The following DDX46 variants were observed in gnomAD, a reference collection of about 807,000 sequenced individuals.
DDX46 encodes the protein DEAD-box helicase 46.
DDX46 carries 30 observed loss-of-function variants against 134.9 expected under a neutral mutation model. The observed-to-expected ratio is 0.22, with a 90% CI of 0.17 to 0.30. DDX46 has a LOEUF of 0.30. Ranked by LOEUF, DDX46 falls within the 10% of genes least tolerant of loss-of-function variation. The probability of loss-of-function intolerance (pLI) is 1.00; values close to 1 mark genes in which losing one functional copy is unlikely to be tolerated. For missense variants in DDX46, 622 were observed against 1,248.7 expected (o/e 0.50, Z 7.56); for synonymous variants, 415 against 404.1 (o/e 1.03, Z -0.32).
At chr5:134,776,881 T>A (rs2150137133) in intron 5 of DDX46, among the ~76,000 whole-genome samples, 1 of 135,810 alleles carries the variant, frequency 7.4e-6, no homozygotes, top group East Asian at 2.2e-4. Context: ...GACACTGCAC[T>A]CCAGCCTGGG....
At chr5:134,814,150 T>C (rs887760914) in intron 18 of DDX46, among the ~76,000 whole-genome samples, 3 of 152,290 alleles carry the variant, frequency 2.0e-5, no homozygotes, top group Non-Finnish European at 2.9e-5. Context: ...TTGCTATAAT[T>C]GTCCTATTTT....
chr5:134,814,445 A>G (rs1286170844), intron 18 of DDX46, among the ~76,000 whole-genome samples: 1 of 152,234 alleles, frequency 6.6e-6, no homozygotes. Context: ...ATCAAAAGTA[A>G]GGTTAGCTCT....
chr5:134,763,707 A>G (rs1046899498), intron 1 of DDX46, among the ~76,000 whole-genome samples, 197 bp from the exon 2 acceptor site: 10 of 152,176 alleles, frequency 6.6e-5, no homozygotes, highest in Non-Finnish European at 1.5e-4. Context: ...CTCTCTTTCA[A>G]GACAGATTTT....
At chr5:134,819,112 G>T in intron 21 of DDX46, 108 bp downstream of exon 21, 1 of 1,218,148 alleles carries the variant, frequency 8.2e-7, no homozygotes, top group Non-Finnish European at 1.1e-6. Context: ...CTGAAAGTAA[G>T]AAACACCTCT....
chr5:134,765,772 C>A (rs1753548768), intron 2 of DDX46, among the ~76,000 whole-genome samples: 1 of 152,118 alleles, frequency 6.6e-6, no homozygotes, highest in African/African-American at 2.4e-5. Flanking sequence ...TAACTTTATC[C>A]TTTTCAGACA....
chr5:134,799,523 A>T (rs1485306223), intron 15 of DDX46, among the ~76,000 whole-genome samples: 2 of 151,872 alleles, frequency 1.3e-5, no homozygotes, highest in African/African-American at 4.8e-5. Context: ...GGATCACTTG[A>T]GCTCATGAGT....
At chr5:134,784,191 A>G (rs1329156665) in intron 9 of DDX46, among the ~76,000 whole-genome samples, 175 bp from the exon 10 acceptor site, 1 of 152,188 alleles carries the variant, frequency 6.6e-6, no homozygotes, top group Non-Finnish European at 1.5e-5. Flanking sequence ...TGTTGTAAAG[A>G]TTAGTCCATA....
chr5:134,768,868 G>A (rs1000457745), intron 3 of DDX46, among the ~76,000 whole-genome samples: 1 of 152,080 alleles, frequency 6.6e-6, no homozygotes, highest in African/African-American at 2.4e-5. Context: ...AGACCAGTCT[G>A]ACCAACATGG....
chr5:134,792,176 CA>C (rs1472681106), intron 13 of DDX46, among the ~76,000 whole-genome samples: 9 of 151,586 alleles, frequency 5.9e-5, no homozygotes, highest in African/African-American at 2.4e-5. Flanking sequence ...GACTTAGTCT[CA>C]AAAAATAATA....
Position 134,820,365 on chromosome 5 carries a change from A to G in DDX46, c.2977+1361A>G, listed in dbSNP as rs529733442. On this transcript the variant is annotated intron_variant, in intron 21 of 22. Coordinates refer to ENST00000452510, the MANE Select transcript of DDX46 (RefSeq NM_001300860.2). The stretch of plus-strand genomic sequence containing the variant: ...GTTCTGGCTTCATTTCCTTGACACC[A>G]TAGCATTGTAGTCAGTACAGGGTTT... 3.3e-5 allele frequency among the ~76,000 whole-genome samples: 5 copies of G among 152,284 alleles called. No individual in the cohort carries two copies. In the South Asian group the frequency reaches 1.0e-3, roughly 32 times the overall value.
At chr5:134,760,327 G>C (rs1258798419) in intron 1 of DDX46, among the ~76,000 whole-genome samples, 1 of 152,200 alleles carries the variant, frequency 6.6e-6, no homozygotes. Flanking sequence ...GAAAGGCTTA[G>C]AGGTGGGAAG....
intron 1 of DDX46, among the ~76,000 whole-genome samples, chr5:134,760,852 C>T (rs901598318): frequency 1.3e-5 from 2 of 152,140 alleles, no homozygotes; most frequent in East Asian, 3.8e-4. Context: ...GCCTCAGCCT[C>T]CCGAGTAGCT....
intron 21 of DDX46, among the ~76,000 whole-genome samples, chr5:134,824,579 CAAAAA>C (rs910382182): frequency 4.7e-5 from 7 of 149,776 alleles, no homozygotes; most frequent in Non-Finnish European, 1.0e-4. Context: ...AACTCTGTCT[CAAAAA>C]AAAGAAAAGA....
intron 16 of DDX46, among the ~76,000 whole-genome samples, chr5:134,810,055 G>T (rs1211293313): frequency 1.3e-5 from 2 of 152,014 alleles, no homozygotes; most frequent in South Asian, 2.1e-4. Context: ...TGACTGTTTG[G>T]GTCAGATTGT....
At chr5:134,759,022 T>G in intron 1 of DDX46, 67 bp downstream of exon 1, 6 of 1,591,376 alleles carry the variant, frequency 3.8e-6, no homozygotes, top group Non-Finnish European at 5.1e-6. Context: ...GAGGCGGGAG[T>G]TGAGGTGGCC....
At position 134,758,826 on chromosome 5, in the gene DDX46, G is replaced by A. The variant is rs1580762946; in HGVS notation, c.-113G>A. On this transcript the variant is annotated 5_prime_UTR_variant, in exon 1 of 23. Coordinates refer to ENST00000452510, the MANE Select transcript of DDX46 (RefSeq NM_001300860.2). ...GATGGCCGCCACAGCTGTAGGTGCTGCTAGTGTTTAGCGCTGGTCTTTGCC... is the reference window on the plus strand; with the variant it reads ...GATGGCCGCCACAGCTGTAGGTGCTACTAGTGTTTAGCGCTGGTCTTTGCC... The A allele has an allele frequency of 1.3e-6, 2 of 1,524,420 alleles. No homozygotes were observed. Among genetic ancestry groups the A allele is most frequent in the Admixed American group, 3.4e-5 (2 of 58,700 alleles). 94.4% of individuals were successfully genotyped at this position (1,524,420 alleles called of 1,614,324 possible). A position where few individuals can be genotyped will look rare whatever the true frequency, so the allele number is the denominator to read the frequency against.
chr5:134,759,002 G>A, intron 1 of DDX46, 47 bp downstream of exon 1: 2 of 1,602,966 alleles, frequency 1.2e-6, no homozygotes, highest in Non-Finnish European at 1.7e-6. Context: ...GCTTCTTGGG[G>A]TCGTGAGAAG....
intron 18 of DDX46, among the ~76,000 whole-genome samples, chr5:134,812,749 T>C (rs189473830): frequency 1.3e-5 from 2 of 152,108 alleles, no homozygotes; most frequent in African/African-American, 2.4e-5. Flanking sequence ...GCGATTTTCC[T>C]GTTTCAGCCT....
intron 12 of DDX46, among the ~76,000 whole-genome samples, chr5:134,788,991 A>G (rs1374718023): frequency 6.6e-6 from 1 of 152,180 alleles, no homozygotes; most frequent in Non-Finnish European, 1.5e-5. Flanking sequence ...TTTGCTTAGT[A>G]AAAGAGTGGG....
Sources: allele counts gnomAD v4.1 joint callset (sites outside exome capture counted in the v4.1 genomes callset), GRCh38; gene constraint gnomAD v4.1.1; transcripts MANE v1.5; gene names NCBI Gene and HGNC (gene_info 2026-07-23, HGNC 2026-07-21).